ZC3H18: variants seen among roughly 807,000 people sequenced by gnomAD.
ZC3H18 encodes the protein zinc finger CCCH domain-containing protein 18.
ZC3H18 carries 8 observed loss-of-function variants against 106.1 expected under a neutral mutation model. The observed-to-expected ratio is 0.08, with a 90% CI of 0.04 to 0.14. The LOEUF (loss-of-function observed/expected upper bound fraction) is 0.14. Among genes scored for constraint, ZC3H18 ranks in the 10% least tolerant of loss-of-function variants. The pLI, the probability that ZC3H18 is intolerant of heterozygous loss-of-function variation, is 1.00. For synonymous variants in ZC3H18, 635 were observed against 522.1 expected (o/e 1.22, Z -2.95); for missense variants, 1,318 against 1,278.4 (o/e 1.03, Z -0.47).
chr16:88,630,976 A>C (rs1458748609), intron 17 of ZC3H18, 125 bp from the exon 18 acceptor site: 7 of 1,222,552 alleles, frequency 5.7e-6, no homozygotes, highest in Non-Finnish European at 8.1e-6. Context: ...CTGGCCATCC[A>C]GGGAGCCCCT....
chr16:88,611,541 A>AC lies in ZC3H18; in HGVS notation c.1475+8dup. 6.5e-7 allele frequency: 1 copy of AC among 1,548,860 alleles called. No individual in the cohort carries two copies. Among genetic ancestry groups the AC allele is most frequent in the Non-Finnish European group, 8.7e-7 (1 of 1,146,182 alleles). Reference sequence around the variant, plus strand: ...CCGCTCCCCGCAGCCGCCAAGGTAGACCCTGCTTCCTGAAGCCCAGGGGTG... The same window carrying AC: ...CCGCTCCCCGCAGCCGCCAAGGTAGACCCCTGCTTCCTGAAGCCCAGGGGTG... On this transcript the variant is annotated splice_donor_region_variant and intron_variant, in intron 8 of 17. Coordinates refer to ENST00000301011, the MANE Select transcript of ZC3H18 (RefSeq NM_144604.4).
At chr16:88,591,979 G>C (rs948445327) in intron 3 of ZC3H18, among the ~76,000 whole-genome samples, 1 of 152,160 alleles carries the variant, frequency 6.6e-6, no homozygotes, top group Non-Finnish European at 1.5e-5. Flanking sequence ...TTGAGGAACC[G>C]CTGGCAGCGG....
chr16:88,631,412 GAAA>G lies in ZC3H18; in HGVS notation c.*119_*121del, dbSNP rs985678850. 55 of 1,387,054 alleles carry G rather than the reference GAAA, an allele frequency of 4.0e-5. No homozygotes were observed. Among genetic ancestry groups the G allele is most frequent in the Middle Eastern group, 1.8e-4 (1 of 5,422 alleles). 85.9% of individuals were successfully genotyped at this position (1,387,054 alleles called of 1,614,324 possible). A position where few individuals can be genotyped will look rare whatever the true frequency, so the allele number is the denominator to read the frequency against. ...GTGATTCTTTTTAAAAAGTAAAAAA[GAAA>G]AAAAAGTTTCTCAGCTGGAAAAGAA... On this transcript the variant is annotated 3_prime_UTR_variant, in exon 18 of 18. Transcript: ENST00000301011.
chr16:88,578,782 C>G (rs1435907763), intron 2 of ZC3H18, among the ~76,000 whole-genome samples: 1 of 152,160 alleles, frequency 6.6e-6, no homozygotes, highest in African/African-American at 2.4e-5. Flanking sequence ...GCCTCTACCC[C>G]CAGGTTCAGG....
intron 3 of ZC3H18, among the ~76,000 whole-genome samples, chr16:88,597,295 G>A (rs1219295303): frequency 2.6e-5 from 4 of 152,068 alleles, no homozygotes; most frequent in African/African-American, 9.7e-5. Context: ...GTTTAATTTG[G>A]ATCGATATTG....
chr16:88,609,805 TG>T (rs1391357345), intron 7 of ZC3H18, among the ~76,000 whole-genome samples: 1 of 150,956 alleles, frequency 6.6e-6, no homozygotes, highest in Non-Finnish European at 1.5e-5. Flanking sequence ...TTTGCCGTGT[TG>T]GTCAGGCTGG....
chr16:88,618,842 G>A (rs990342371), intron 8 of ZC3H18, among the ~76,000 whole-genome samples: 7 of 152,178 alleles, frequency 4.6e-5, no homozygotes, highest in Admixed American at 4.6e-4. Flanking sequence ...GGCCCAGCTT[G>A]GAGGTGGGCC....
intron 2 of ZC3H18, among the ~76,000 whole-genome samples, chr16:88,584,817 CAA>C (rs2142574352): frequency 6.6e-6 from 1 of 152,304 alleles, no homozygotes; most frequent in South Asian, 2.1e-4. Context: ...TTTGCAGAAA[CAA>C]TGCTACATCT....
chr16:88,591,463 T>G (rs10852630), intron 3 of ZC3H18, among the ~76,000 whole-genome samples: 100,081 of 151,892 alleles, frequency 0.66, 33,217 homozygotes, highest in East Asian at 0.82. Flanking sequence ...TTCCAGCTAT[T>G]TGGGAGGCCA....
chr16:88,585,481 G>A (rs1915380593), intron 2 of ZC3H18, among the ~76,000 whole-genome samples: 1 of 152,230 alleles, frequency 6.6e-6, no homozygotes, highest in Non-Finnish European at 1.5e-5. Context: ...GGCAGGTGGT[G>A]GTGTCGTCAA....
intron 8 of ZC3H18, among the ~76,000 whole-genome samples, chr16:88,621,634 G>C (rs928169227): frequency 6.6e-6 from 1 of 152,056 alleles, no homozygotes; most frequent in Non-Finnish European, 1.5e-5. Context: ...GGGATTACAG[G>C]CATGAGCCAT....
chr16:88,580,674 T>C (rs1202518005), intron 2 of ZC3H18, among the ~76,000 whole-genome samples: 1 of 152,166 alleles, frequency 6.6e-6, no homozygotes, highest in Non-Finnish European at 1.5e-5. Flanking sequence ...CCCCGCGCCC[T>C]GCTCCCTGTC....
intron 6 of ZC3H18, among the ~76,000 whole-genome samples, chr16:88,606,525 A>G (rs2142725918): frequency 6.6e-6 from 1 of 152,298 alleles, no homozygotes; most frequent in East Asian, 1.9e-4. Context: ...CGCCTCACAC[A>G]TTTTGGGAAA....
rs1906089326 is a variant in ZC3H18, at chr16:88,623,306, C to T, written c.1755C>T (p.Arg585=). Residue 585 remains arginine (R), a synonymous_variant, in exon 10 of 18, where the codon CGC becomes CGT. Coordinates refer to ENST00000301011, the MANE Select transcript of ZC3H18 (RefSeq NM_144604.4). ...CATCCTACAGCTCCTACTCCAGCCG[C>T]TCTTCCAGACACAGCTCGTTCTCAG... ...RSSSYSSYSS[R]SSRHSSFSGS... The T allele has an allele frequency of 1.9e-6, 3 of 1,613,880 alleles. No homozygotes were observed. The highest frequency in any genetic ancestry group is 3.3e-5 in the Admixed American group (2 of 60,020).
intron 6 of ZC3H18, among the ~76,000 whole-genome samples, chr16:88,606,798 G>A (rs1905029438): frequency 6.6e-6 from 1 of 152,160 alleles, no homozygotes; most frequent in African/African-American, 2.4e-5. Flanking sequence ...TGATGGGAAC[G>A]GACTGAAGCT....
intron 16 of ZC3H18, among the ~76,000 whole-genome samples, chr16:88,629,161 A>C (rs1047159299): frequency 6.6e-6 from 1 of 152,210 alleles, no homozygotes; most frequent in Admixed American, 6.5e-5. Flanking sequence ...CAACCTGGTA[A>C]AACCCTGTCT....
At chr16:88,588,821 G>A (rs72809433) in intron 3 of ZC3H18, among the ~76,000 whole-genome samples, 5,773 of 152,120 alleles carry the variant, frequency 0.038, 156 homozygotes, top group Admixed American at 0.055. Context: ...GGGAAGTTGA[G>A]GCTGCAGTTG....
At position 88,631,749 on chromosome 16, in the gene ZC3H18, C is replaced by G; in HGVS notation, c.*450C>G. 2.6e-6 allele frequency: 1 copy of G among 378,742 alleles called. No homozygotes were observed. The highest frequency in any genetic ancestry group is 5.2e-6 in the Non-Finnish European group (1 of 191,796). The allele number at this position is 378,742 out of a possible 1,614,324, so 23.5% of individuals were successfully genotyped here. A position where few individuals can be genotyped will look rare whatever the true frequency, so the allele number is the denominator to read the frequency against. On this transcript the variant is annotated 3_prime_UTR_variant, in exon 18 of 18. Transcript: ENST00000301011. ...TTCTCCTCCCCCGCCCCTGATCACC[C>G]GCCCCCGGATCAGAAATATATCTAT... is the stretch of plus-strand genomic sequence containing the variant.
chr16:88,572,515 G>A lies in ZC3H18; in HGVS notation c.-15+1949G>A, dbSNP rs150406970. On this transcript the variant is annotated intron_variant, in intron 1 of 17. Coordinates refer to ENST00000301011, the MANE Select transcript of ZC3H18 (RefSeq NM_144604.4). ...TCATCTGCCAAATGCAGAAAGCAAC[G>A]GAGACGGGACGATGGGCACTTGTTA... is the stretch of plus-strand genomic sequence containing the variant. Among the ~76,000 whole-genome samples, 22 of 152,136 alleles carry A rather than the reference G, an allele frequency of 1.4e-4. 1 individual carries two copies. The highest frequency in any genetic ancestry group is 4.8e-4 in the African/African-American group (20 of 41,544).
Sources: gnomAD v4.1 joint callset for allele counts (sites outside exome capture counted in the v4.1 genomes callset) on GRCh38, gnomAD v4.1.1 for gene constraint, MANE v1.5 for transcripts, NCBI Gene and HGNC (gene_info 2026-07-23, HGNC 2026-07-21) for gene names.